The following VWC2 variants were observed in gnomAD, a reference collection of about 807,000 sequenced individuals.
The protein encoded by VWC2 is von Willebrand factor C domain containing 2, also known as brorin.
A neutral mutation model predicts 29.8 loss-of-function variants in VWC2; 14 were observed. The ratio of observed to expected loss-of-function variants is 0.47; its 90% CI spans 0.31 to 0.74. The LOEUF is 0.74. VWC2 is among the 30% of genes least tolerant of loss of function. The pLI is 0.05. For synonymous variants in VWC2, 213 were observed against 199.0 expected, an observed-to-expected ratio of 1.07 and a Z score of -0.59; for missense variants, 457 against 459.8, an observed-to-expected ratio of 0.99 and a Z score of 0.05.
intron 3 of VWC2, among the ~76,000 whole-genome samples, chr7:49,847,912 T>G (rs1790011695): frequency 6.6e-6 from 1 of 152,080 alleles, no homozygotes; most frequent in Non-Finnish European, 1.5e-5. Context: ...GGTGAGTGGT[T>G]TACTATCTCC....
chr7:49,906,530 G>T (rs1380626170), intron 3 of VWC2, among the ~76,000 whole-genome samples: 1 of 152,026 alleles, frequency 6.6e-6, no homozygotes, highest in Non-Finnish European at 1.5e-5. Context: ...TATAGATGGG[G>T]TTTCACTGTG....
At chr7:49,898,292 T>G (rs550523558) in intron 3 of VWC2, among the ~76,000 whole-genome samples, 8 of 152,080 alleles carry the variant, frequency 5.3e-5, no homozygotes, top group Non-Finnish European at 8.8e-5. Flanking sequence ...ATCTTTTAAA[T>G]CAAGGTAAGA....
At chr7:49,832,512 A>T (rs574686467) in intron 3 of VWC2, among the ~76,000 whole-genome samples, 2 of 152,176 alleles carry the variant, frequency 1.3e-5, no homozygotes, top group Non-Finnish European at 1.5e-5. Flanking sequence ...GGGAACAAAA[A>T]GTGTATTGGT....
intron 2 of VWC2, among the ~76,000 whole-genome samples, chr7:49,793,788 A>AT (rs944209339): frequency 5.3e-5 from 8 of 152,254 alleles, no homozygotes; most frequent in African/African-American, 1.9e-4. Context: ...AATGGCATGC[A>AT]TTTTTTCACT....
At chr7:49,884,680 G>C (rs542690560) in intron 3 of VWC2, among the ~76,000 whole-genome samples, 1 of 152,142 alleles carries the variant, frequency 6.6e-6, no homozygotes, top group Non-Finnish European at 1.5e-5. Flanking sequence ...AGGACCTGCT[G>C]CCTGACTGTG....
In VWC2 at chr7:49,913,460, T is replaced by C. The variant is rs1793561137; in HGVS notation, c.*1275T>C. 6.6e-6 allele frequency: 1 copy of C among 152,130 alleles called. No homozygotes were observed. Among genetic ancestry groups the C allele is most frequent in the African/African-American group, 2.4e-5 (1 of 41,440 alleles). The allele number at this position is 152,130 out of a possible 1,614,324, so 9.4% of individuals were successfully genotyped here. ...AATTGGAGTCTTAATAGGTGTAGGA[T>C]AAAAAAAGCAAAACTATAATCACTA... is the stretch of plus-strand genomic sequence containing the variant. On this transcript the variant is annotated 3_prime_UTR_variant, in exon 4 of 4. Transcript: ENST00000340652.
chr7:49,797,584 G>T (rs1036220554), intron 2 of VWC2, among the ~76,000 whole-genome samples: 6 of 152,160 alleles, frequency 3.9e-5, no homozygotes, highest in Non-Finnish European at 8.8e-5. Context: ...GTTTGTGGGG[G>T]TCAGGTCAGA....
chr7:49,860,943 C>A (rs1790626280), intron 3 of VWC2, among the ~76,000 whole-genome samples: 1 of 152,144 alleles, frequency 6.6e-6, no homozygotes, highest in Non-Finnish European at 1.5e-5. Context: ...GGACTTTCTG[C>A]CTTTAGAACC....
chr7:49,896,316 G>T (rs768644179), intron 3 of VWC2, among the ~76,000 whole-genome samples: 2 of 152,168 alleles, frequency 1.3e-5, no homozygotes, highest in Non-Finnish European at 2.9e-5. Flanking sequence ...ACTCTACCCT[G>T]AGTGAAAGAG....
At chr7:49,849,925 CA>C (rs1181982441) in intron 3 of VWC2, among the ~76,000 whole-genome samples, 4 of 152,222 alleles carry the variant, frequency 2.6e-5, no homozygotes, top group Non-Finnish European at 4.4e-5. Context: ...CAAAAAAATT[CA>C]GTGCAATAGT....
intron 3 of VWC2, among the ~76,000 whole-genome samples, chr7:49,910,605 TA>T (rs11331851): frequency 0.77 from 116,318 of 151,950 alleles, 44,689 homozygotes; most frequent in East Asian, 0.88. Flanking sequence ...ATTAATCTTT[TA>T]AAAAAAAATG....
chr7:49,860,951 A>G (rs1005855772), intron 3 of VWC2, among the ~76,000 whole-genome samples: 43 of 152,332 alleles, frequency 2.8e-4, no homozygotes, highest in African/African-American at 1.0e-3. Context: ...TGCCTTTAGA[A>G]CCATGAGAAA....
chr7:49,867,256 A>C (rs1790935610), intron 3 of VWC2, among the ~76,000 whole-genome samples: 1 of 152,224 alleles, frequency 6.6e-6, no homozygotes, highest in African/African-American at 2.4e-5. Context: ...ATATTGACCA[A>C]ACTATCACTA....
At chr7:49,824,870 G>A (rs1360213106) in intron 3 of VWC2, among the ~76,000 whole-genome samples, 1 of 151,818 alleles carries the variant, frequency 6.6e-6, no homozygotes, top group Non-Finnish European at 1.5e-5. Context: ...TATTAATCTT[G>A]TATTTCCTAC....
intron 3 of VWC2, among the ~76,000 whole-genome samples, chr7:49,835,171 G>A (rs556963722): frequency 6.6e-6 from 1 of 152,196 alleles, no homozygotes; most frequent in Non-Finnish European, 1.5e-5. Context: ...GAACTATAGG[G>A]TAGAGGACAT....
chr7:49,867,521 T>C (rs1374563701), intron 3 of VWC2, among the ~76,000 whole-genome samples: 3 of 152,172 alleles, frequency 2.0e-5, no homozygotes, highest in South Asian at 2.1e-4. Flanking sequence ...TGTGCTGACA[T>C]AGTCTTCTTG....
At chr7:49,884,339 G>C (rs1475488935) in intron 3 of VWC2, among the ~76,000 whole-genome samples, 1 of 152,224 alleles carries the variant, frequency 6.6e-6, no homozygotes, top group African/African-American at 2.4e-5. Flanking sequence ...GTTGAGTATT[G>C]CCAGGGAAGA....
chr7:49,880,185 A>C (rs1424648252), intron 3 of VWC2, among the ~76,000 whole-genome samples: 1 of 152,242 alleles, frequency 6.6e-6, no homozygotes, highest in South Asian at 2.1e-4. Context: ...AAATTTTATC[A>C]GTGTCTTTTT....
At chr7:49,838,137 T>C (rs775081096) in intron 3 of VWC2, among the ~76,000 whole-genome samples, 1 of 152,228 alleles carries the variant, frequency 6.6e-6, no homozygotes, top group Non-Finnish European at 1.5e-5. Flanking sequence ...TCCTGAAGGC[T>C]GTCTTCCCTA....
Sources: allele counts gnomAD v4.1 joint callset (sites outside exome capture counted in the v4.1 genomes callset), GRCh38; gene constraint gnomAD v4.1.1; transcripts MANE v1.5; gene names NCBI Gene and HGNC (gene_info 2026-07-23, HGNC 2026-07-21).